The following PCNX2 variants were observed in gnomAD, a reference collection of about 807,000 sequenced individuals.
The protein encoded by PCNX2 is pecanex-like protein 2.
Under a neutral mutation model 223.8 loss-of-function variants are expected in PCNX2, and 168 were observed. The observed-to-expected ratio is 0.75, with a 90% confidence interval of 0.66 to 0.85. The LOEUF (loss-of-function observed/expected upper bound fraction) is 0.85. PCNX2 is among the 40% of genes least tolerant of loss of function. The probability of loss-of-function intolerance (pLI) is 0.00; values close to 1 mark genes in which losing one functional copy is unlikely to be tolerated. For missense variants in PCNX2, 2,507 were observed against 2,675.5 expected, an observed-to-expected ratio of 0.94 and a Z score of 1.39; for synonymous variants, 1,006 against 1,052.6, an observed-to-expected ratio of 0.96 and a Z score of 0.86.
rs770222791 is a variant in PCNX2 at position 233,259,358 on chromosome 1, T to C, written c.518-14A>G. On this transcript the variant is annotated splice_polypyrimidine_tract_variant and intron_variant, in intron 4 of 33. Coordinates refer to ENST00000258229, the MANE Select transcript of PCNX2 (RefSeq NM_014801.4). ...ATAGAATGACACCTGAAATGACACATGGCAACTTTATTAGCATCAGAAATG... is the reference window on the plus strand; with the variant it reads ...ATAGAATGACACCTGAAATGACACACGGCAACTTTATTAGCATCAGAAATG... The C allele has an allele frequency of 3.1e-6, 5 of 1,589,982 alleles. No homozygotes were observed. The African/African-American group carries it at 4.0e-5, about 13-fold the overall frequency.
At chr1:233,325,067 T>C in the PCNX2 span, among the ~76,000 whole-genome samples, 2 of 152,228 alleles carry the variant, frequency 1.3e-5, no homozygotes, top group Non-Finnish European at 2.9e-5. Flanking sequence ...CAGTAACCCA[T>C]GGATTACAAA....
intron 19 of PCNX2, among the ~76,000 whole-genome samples, chr1:233,142,976 T>C (rs1407878032): frequency 6.6e-6 from 1 of 152,160 alleles, no homozygotes; most frequent in Non-Finnish European, 1.5e-5. Flanking sequence ...TTTCTTATCT[T>C]CTTGAGCTAA....
At chr1:233,052,096 C>T (rs1405621042) in intron 25 of PCNX2, among the ~76,000 whole-genome samples, 1 of 152,142 alleles carries the variant, frequency 6.6e-6, no homozygotes, top group Non-Finnish European at 1.5e-5. Flanking sequence ...CTTCTCCAAA[C>T]TAAGCCCCCT....
chr1:233,181,292 C>T (rs1341102288), intron 15 of PCNX2, among the ~76,000 whole-genome samples: 2 of 151,674 alleles, frequency 1.3e-5, no homozygotes, highest in African/African-American at 2.4e-5. Context: ...CTCCACCTCC[C>T]GGGTTCAAGC....
At chr1:233,213,662 G>C (rs1022418697) in intron 12 of PCNX2, among the ~76,000 whole-genome samples, 2 of 152,058 alleles carry the variant, frequency 1.3e-5, no homozygotes, top group Non-Finnish European at 2.9e-5. Context: ...TAATTGAATA[G>C]AATGCATAAC....
At chr1:233,215,291 A>C (rs773077937) in intron 12 of PCNX2, among the ~76,000 whole-genome samples, 1 of 152,236 alleles carries the variant, frequency 6.6e-6, no homozygotes, top group Non-Finnish European at 1.5e-5. Context: ...CTTCATTAGA[A>C]GTACTGGAGA....
At chr1:233,049,446 G>A (rs1261190852) in intron 25 of PCNX2, among the ~76,000 whole-genome samples, 1 of 152,018 alleles carries the variant, frequency 6.6e-6, no homozygotes, top group Non-Finnish European at 1.5e-5. Context: ...TCCTTTCATG[G>A]TAAAGACCCT....
intron 9 of PCNX2, among the ~76,000 whole-genome samples, chr1:233,229,473 C>T (rs1028412233): frequency 6.6e-6 from 1 of 152,058 alleles, no homozygotes; most frequent in Non-Finnish European, 1.5e-5. Flanking sequence ...AAACCTCCCC[C>T]GACAAAGGAG....
intron 21 of PCNX2, among the ~76,000 whole-genome samples, chr1:233,109,329 G>A (rs994889937): frequency 2.0e-5 from 3 of 152,288 alleles, no homozygotes; most frequent in East Asian, 3.9e-4. Context: ...AGATAAAGCC[G>A]TAATCAAAGT....
chr1:233,052,998 C>A (rs749331852), intron 25 of PCNX2, among the ~76,000 whole-genome samples: 4 of 151,694 alleles, frequency 2.6e-5, no homozygotes, highest in Non-Finnish European at 5.9e-5. Context: ...GCTTGGGTGT[C>A]CACAATGCAG....
At chr1:233,305,289 A>T in the PCNX2 span, among the ~76,000 whole-genome samples, 8 of 148,482 alleles carry the variant, frequency 5.4e-5, no homozygotes, top group Non-Finnish European at 1.0e-4. Flanking sequence ...CAATTTGTAT[A>T]AAAAAAAGCA....
At chr1:233,309,276 T>C in the PCNX2 span, among the ~76,000 whole-genome samples, 2 of 152,320 alleles carry the variant, frequency 1.3e-5, no homozygotes, top group African/African-American at 4.8e-5. Context: ...GCGCGGTGGC[T>C]CATGCCTATA....
At chr1:233,260,980 A>T (rs1572168355) in intron 4 of PCNX2, among the ~76,000 whole-genome samples, 2 of 152,300 alleles carry the variant, frequency 1.3e-5, no homozygotes, top group Non-Finnish European at 2.9e-5. Flanking sequence ...ATGGATGATA[A>T]TTTATCATCA....
chr1:233,059,339 G>T (rs10910652), intron 23 of PCNX2, among the ~76,000 whole-genome samples: 37,909 of 152,068 alleles, frequency 0.25, 6,189 homozygotes, highest in African/African-American at 0.47. Flanking sequence ...ACTTGCTTGT[G>T]TCATGTGCCT....
intron 15 of PCNX2, among the ~76,000 whole-genome samples, chr1:233,183,682 A>C (rs1012016026): frequency 1.3e-5 from 2 of 152,242 alleles, no homozygotes; most frequent in African/African-American, 4.8e-5. Flanking sequence ...CTGGGTACCC[A>C]GAAGCATAAC....
the PCNX2 span, among the ~76,000 whole-genome samples, chr1:233,304,219 A>C: frequency 2.9e-4 from 44 of 152,174 alleles, no homozygotes; most frequent in African/African-American, 1.0e-3. Flanking sequence ...ACACATATGA[A>C]GAAGTGGCAC....
chr1:233,090,154 G>C lies in PCNX2; in HGVS notation c.3983C>G (p.Ser1328Ter). Residue 1328 changes from serine (S) to a stop codon, truncating the protein, a stop_gained, in exon 23 of 34, where the codon TCA becomes TGA. Transcript: ENST00000258229. LOFTEE classifies it high-confidence loss of function. ...TGGGCTCAATGGGGTAGAAAAGATT[G>C]ATGTGGCAATCGTCTGAAAGAAAAG... ...AMLFFQTIATSIFSTPLSPFL... is the reference protein window; with the variant it reads ...AMLFFQTIAT The C allele has an allele frequency of 2.5e-6, 4 of 1,613,712 alleles. No individual in the cohort carries two copies. The highest frequency in any genetic ancestry group is 3.4e-6 in the Non-Finnish European group (4 of 1,179,776).
At chr1:233,168,564 A>T (rs1165037002) in intron 17 of PCNX2, among the ~76,000 whole-genome samples, 1 of 152,074 alleles carries the variant, frequency 6.6e-6, no homozygotes, top group Non-Finnish European at 1.5e-5. Context: ...TCAAAACATT[A>T]ATTTAGTGAA....
At chr1:233,173,167 T>C (rs1050275819) in intron 17 of PCNX2, among the ~76,000 whole-genome samples, 2 of 120,184 alleles carry the variant, frequency 1.7e-5, no homozygotes, top group African/African-American at 6.1e-5. Context: ...GTCTTCACTC[T>C]TTTTTTTTTT....
Sources: allele counts gnomAD v4.1 joint callset (sites outside exome capture counted in the v4.1 genomes callset), GRCh38; gene constraint gnomAD v4.1.1; transcripts MANE v1.5; gene names NCBI Gene and HGNC (gene_info 2026-07-23, HGNC 2026-07-21).